The following DOCK4 variants were observed in gnomAD, a reference collection of about 807,000 sequenced individuals.
DOCK4 encodes dedicator of cytokinesis 4, also known as dedicator of cytokinesis protein 4.
Under a neutral mutation model 268.1 loss-of-function variants are expected in DOCK4, and 97 were observed. The ratio of observed to expected loss-of-function variants is 0.36; its 90% CI spans 0.31 to 0.43. The LOEUF (loss-of-function observed/expected upper bound fraction) is 0.43. DOCK4 is among the 20% of genes least tolerant of loss of function. DOCK4 has a pLI of 1.00. For synonymous variants in DOCK4, 954 were observed against 887.2 expected (o/e 1.08, Z -1.34); for missense variants, 2,145 against 2,455.7 (o/e 0.87, Z 2.67).
intron 1 of DOCK4, among the ~76,000 whole-genome samples, chr7:112,196,883 ACTAT>A (rs535586031): frequency 2.0e-5 from 3 of 152,326 alleles, no homozygotes; most frequent in Admixed American, 2.0e-4. Flanking sequence ...AAACTAATTA[ACTAT>A]CTAGCACCTC....
chr7:111,745,961 C>A (rs1277317252), intron 44 of DOCK4, among the ~76,000 whole-genome samples: 3 of 152,034 alleles, frequency 2.0e-5, no homozygotes, highest in Non-Finnish European at 4.4e-5. Context: ...ATAAAATGAC[C>A]TTCAGGCTAT....
Position 111,989,067 on chromosome 7 carries a change from G to A in DOCK4, c.412C>T (p.Arg138Trp), listed in dbSNP as rs1415479376. 7.4e-6 allele frequency: 12 copies of A among 1,613,818 alleles called. No homozygotes were observed. The highest frequency in any genetic ancestry group is 4.5e-5 in the East Asian group (2 of 44,882). Residue 138 changes from arginine (R) to tryptophan (W), a missense_variant, in exon 6 of 53, where the codon CGG (arginine) becomes TGG (tryptophan). Arg to Trp is a moderately radical substitution (Grantham distance 101). Around this residue, in one of 2 missense-constraint regions of DOCK4, gnomAD observed 1,598 missense variants for 1,986.7 expected, o/e 0.80. Transcript: ENST00000428084. ...ATGTGGCGCTTCACGTCCTTCATCCGGTCGTGGGTGAGGTGGCCCACCAGC... is the reference window on the plus strand; with the variant it reads ...ATGTGGCGCTTCACGTCCTTCATCCAGTCGTGGGTGAGGTGGCCCACCAGC... ...QVLVGHLTHDRMKDVKRHITA... is the reference protein window; with the variant it reads ...QVLVGHLTHDWMKDVKRHITA...
At chr7:111,933,938 CTT>C (rs1562906479) in intron 12 of DOCK4, among the ~76,000 whole-genome samples, 1 of 152,158 alleles carries the variant, frequency 6.6e-6, no homozygotes, top group African/African-American at 2.4e-5. Flanking sequence ...GTGGTTTTCT[CTT>C]TGCGGTCAGT....
intron 10 of DOCK4, among the ~76,000 whole-genome samples, chr7:111,943,472 A>G: frequency 6.6e-6 from 1 of 152,224 alleles, no homozygotes; most frequent in East Asian, 1.9e-4. Flanking sequence ...AGATTATATT[A>G]AAATTTTAGC....
At chr7:111,799,154 C>G (rs985527932) in intron 30 of DOCK4, among the ~76,000 whole-genome samples, 2 of 152,212 alleles carry the variant, frequency 1.3e-5, no homozygotes, top group African/African-American at 4.8e-5. Flanking sequence ...GAGGCCACTT[C>G]TCAAGGGCAT....
At chr7:112,134,673 G>A (rs888548355) in intron 1 of DOCK4, among the ~76,000 whole-genome samples, 6 of 152,166 alleles carry the variant, frequency 3.9e-5, no homozygotes, top group Non-Finnish European at 7.3e-5. Flanking sequence ...CTGAGATTGC[G>A]CCACTGCACT....
intron 12 of DOCK4, among the ~76,000 whole-genome samples, chr7:111,927,192 T>C (rs538362133): frequency 2.9e-4 from 44 of 152,190 alleles, no homozygotes; most frequent in Non-Finnish European, 5.3e-4. Flanking sequence ...CCTTCTAATA[T>C]GCAAAAGGTA....
chr7:112,173,116 C>T (rs1818221734), intron 1 of DOCK4, among the ~76,000 whole-genome samples: 1 of 152,220 alleles, frequency 6.6e-6, no homozygotes, highest in Non-Finnish European at 1.5e-5. Context: ...TACCCAGAAT[C>T]CAGTGTAATC....
At chr7:112,058,420 T>C (rs1292282454) in intron 1 of DOCK4, among the ~76,000 whole-genome samples, 6 of 152,204 alleles carry the variant, frequency 3.9e-5, no homozygotes, top group African/African-American at 1.4e-4. Context: ...TAGTTCACAT[T>C]AAATTTAATT....
intron 30 of DOCK4, 52 bp downstream of exon 30, chr7:111,808,769 A>G: frequency 6.4e-7 from 1 of 1,558,628 alleles, no homozygotes; most frequent in Non-Finnish European, 8.8e-7. Context: ...GTACACTTCA[A>G]GGTACAGCGA....
chr7:112,148,969 G>T (rs2116367207), intron 1 of DOCK4, among the ~76,000 whole-genome samples: 1 of 152,306 alleles, frequency 6.6e-6, no homozygotes, highest in South Asian at 2.1e-4. Context: ...TGGAACTCAG[G>T]TGAAGTCTCT....
At chr7:111,760,033 A>C in intron 40 of DOCK4, 148 bp downstream of exon 40, 1 of 962,772 alleles carries the variant, frequency 1.0e-6, no homozygotes, top group Non-Finnish European at 1.5e-6. Context: ...AGAAGGAGTT[A>C]AGCTAAAATT....
chr7:111,780,380 C>A (rs970403154), intron 35 of DOCK4, among the ~76,000 whole-genome samples: 4 of 152,140 alleles, frequency 2.6e-5, no homozygotes, highest in African/African-American at 9.7e-5. Flanking sequence ...TAACCAAAAT[C>A]ATTTTAATTA....
chr7:111,878,950 A>G (rs1807145350), intron 16 of DOCK4, among the ~76,000 whole-genome samples: 1 of 152,076 alleles, frequency 6.6e-6, no homozygotes, highest in Non-Finnish European at 1.5e-5. Flanking sequence ...CTTAGAGTCC[A>G]TGGACAAGGG....
chr7:112,026,037 T>C (rs1350919494), intron 1 of DOCK4, among the ~76,000 whole-genome samples: 3 of 152,192 alleles, frequency 2.0e-5, no homozygotes, highest in African/African-American at 7.2e-5. Context: ...CCACTAAACT[T>C]TGAGTTCCCA....
At position 112,162,541 on chromosome 7, in the gene DOCK4, CCT is replaced by C. The variant is rs1563146009; in HGVS notation, c.37+43559_37+43560del. 2.8e-4 allele frequency among the ~76,000 whole-genome samples: 43 copies of C among 150,956 alleles called. 1 individual carries two copies. Among genetic ancestry groups the C allele is most frequent in the African/African-American group, 1.0e-3 (42 of 40,770 alleles). Reference sequence around the variant, plus strand: ...TCTCTCTCTCTCTCTCTCTCTCCCCCCTCTCCCTGCCACCCACACACCCCACT... The same window carrying C: ...TCTCTCTCTCTCTCTCTCTCTCCCCCCTCCCTGCCACCCACACACCCCACT... On this transcript the variant is annotated intron_variant, in intron 1 of 52. Coordinates refer to ENST00000428084, the MANE Select transcript of DOCK4 (RefSeq NM_001363540.2).
chr7:111,855,312 G>A (rs1416690601), intron 23 of DOCK4, among the ~76,000 whole-genome samples: 2 of 152,132 alleles, frequency 1.3e-5, no homozygotes, highest in Admixed American at 1.3e-4. Context: ...AGTGCAGCTG[G>A]ACTAGAGAGG....
At chr7:112,087,995 T>C (rs1809272857) in intron 1 of DOCK4, among the ~76,000 whole-genome samples, 1 of 152,090 alleles carries the variant, frequency 6.6e-6, no homozygotes, top group African/African-American at 2.4e-5. Context: ...AAGAGGTACA[T>C]ACCCAACAGT....
intron 1 of DOCK4, among the ~76,000 whole-genome samples, chr7:112,092,387 A>G (rs1242960492): frequency 6.6e-6 from 1 of 152,184 alleles, no homozygotes; most frequent in Non-Finnish European, 1.5e-5. Flanking sequence ...ATTTTTACCA[A>G]TACTTCCTAA....
Sources: gnomAD v4.1 joint callset for allele counts (sites outside exome capture counted in the v4.1 genomes callset) on GRCh38, gnomAD v4.1.1 for gene constraint, gnomAD v4.1.1 regional missense constraint, MANE v1.5 for transcripts, NCBI Gene and HGNC (gene_info 2026-07-23, HGNC 2026-07-21) for gene names.